Variants in MYH14 observed in about 807,000 individuals in gnomAD.
The protein encoded by MYH14 is myosin heavy chain 14, also known as myosin-14.
Under a neutral mutation model 255.5 loss-of-function variants are expected in MYH14, and 123 were observed. The ratio of observed to expected loss-of-function variants is 0.48; its 90% confidence interval spans 0.42 to 0.56. The LOEUF is 0.56. MYH14 is among the 20% of genes least tolerant of loss of function. MYH14 has a pLI of 0.00. For missense variants in MYH14, 2,423 were observed against 2,802.3 expected (o/e 0.86, Z 3.06); for synonymous variants, 1,095 against 1,161.2 (o/e 0.94, Z 1.16).
chr19:50,209,401 A>T (rs1280260710), intron 1 of MYH14, among the ~76,000 whole-genome samples: 1 of 152,052 alleles, frequency 6.6e-6, no homozygotes, highest in Non-Finnish European at 1.5e-5. Context: ...CAATCCCAGC[A>T]CTTTGGGAGG....
In MYH14 at chr19:50,217,604, A is replaced by G; in HGVS notation, c.406-11A>G. On this transcript the variant is annotated splice_polypyrimidine_tract_variant and intron_variant, in intron 2 of 42. Transcript: ENST00000642316. ...GCCATCTGAGACCCTCTCCCCTCTC[A>G]CCCACTGCAGACGTACTCCGGCCTT... The G allele has an allele frequency of 6.2e-7, 1 of 1,613,882 alleles. No homozygotes were observed. The highest frequency in any genetic ancestry group is 2.2e-5 in the East Asian group (1 of 44,882).
Position 50,297,053 on chromosome 19 carries a change from T to C in MYH14, c.5469+3366T>C, listed in dbSNP as rs2036292406. ...CAGACTGGAGTGCCGTGGTGTGATC[T>C]TGGCTCACTGCAACCTCTGCCTCCC... On this transcript the variant is annotated intron_variant, in intron 39 of 42. Transcript: ENST00000642316. Among the ~76,000 whole-genome samples, 3 of 151,746 alleles carry C rather than the reference T, an allele frequency of 2.0e-5. No individual in the cohort carries two copies. The South Asian group carries it at 6.3e-4, about 32-fold the overall frequency.
chr19:50,299,199 C>T lies in MYH14; in HGVS notation c.5470-2462C>T, dbSNP rs28853404. Among the ~76,000 whole-genome samples, 6 of 152,248 alleles carry T rather than the reference C, an allele frequency of 3.9e-5. 1 individual carries two copies. The highest frequency in any genetic ancestry group is 3.9e-4 in the East Asian group (2 of 5,192). On this transcript the variant is annotated intron_variant, in intron 39 of 42. Transcript: ENST00000642316. ...GAGACAAATAAATGCTGAATTAGAC[C>T]GTAAGTGTGTGATCAGAAAAATCCA...
At chr19:50,264,034 C>T (rs1363168292) in intron 22 of MYH14, among the ~76,000 whole-genome samples, 1 of 75,020 alleles carries the variant, frequency 1.3e-5, no homozygotes, top group East Asian at 3.6e-4. Context: ...GTAGCCTGGG[C>T]AATACAGCAA....
intron 36 of MYH14, among the ~76,000 whole-genome samples, chr19:50,291,797 A>G (rs1333706645): frequency 6.6e-6 from 1 of 152,086 alleles, no homozygotes; most frequent in Non-Finnish European, 1.5e-5. Flanking sequence ...TCCGGGAGGC[A>G]GTGGTTGCAG....
chr19:50,217,260 C>G (rs2032531407), intron 2 of MYH14, among the ~76,000 whole-genome samples: 1 of 152,164 alleles, frequency 6.6e-6, no homozygotes, highest in Admixed American at 6.5e-5. Context: ...CAGGTCGTTT[C>G]TAGTCTTTTG....
At position 50,292,289 on chromosome 19, in the gene MYH14, TGGAGGAGACACGCACCTCCCG is replaced by T. The variant is rs761665508; in HGVS notation, c.5165_5185del (p.Thr1722_Glu1728del). 1 of 1,586,750 alleles carries T rather than the reference TGGAGGAGACACGCACCTCCCG, an allele frequency of 6.3e-7. No individual in the cohort carries two copies. On this transcript the variant is annotated inframe_deletion, in exon 37 of 43. Coordinates refer to ENST00000642316, the MANE Select transcript of MYH14 (RefSeq NM_001145809.2). The stretch of plus-strand genomic sequence containing the variant: ...CAGATGAAGGAGCTATGGCGGGAGG[TGGAGGAGACACGCACCTCCCG>T]GGAGGAGATCTTCTCCCAGAATCGG...
chr19:50,231,281 C>G (rs1355263712), intron 9 of MYH14, among the ~76,000 whole-genome samples: 1 of 152,286 alleles, frequency 6.6e-6, no homozygotes, highest in Non-Finnish European at 1.5e-5. Flanking sequence ...GACCGCATGT[C>G]CTTGGGCGCC....
Position 50,293,721 on chromosome 19 carries a change from T to C in MYH14, c.5469+34T>C. On this transcript the variant is annotated intron_variant, in intron 39 of 42. Transcript: ENST00000642316. This position sits in a 1 kb window ranked among gnomAD's most constrained non-coding sequence, Gnocchi z 4.1. ...GATTGACCGCCCCCACCAGCCTCAGTCCCCATTGACCTGGGACCGTAACCT... is the reference window on the plus strand; with the variant it reads ...GATTGACCGCCCCCACCAGCCTCAGCCCCCATTGACCTGGGACCGTAACCT... 6.5e-7 allele frequency: 1 copy of C among 1,529,774 alleles called. No homozygotes were observed. The allele number at this position is 1,529,774 out of a possible 1,614,324, so 94.8% of individuals were successfully genotyped here. A position where few individuals can be genotyped will look rare whatever the true frequency, so the allele number is the denominator to read the frequency against.
At chr19:50,247,916 C>T (rs574776281) in intron 12 of MYH14, among the ~76,000 whole-genome samples, 3 of 151,938 alleles carry the variant, frequency 2.0e-5, no homozygotes, top group African/African-American at 7.3e-5. Flanking sequence ...CAAAAATTAG[C>T]TGGGTATGTG....
At chr19:50,306,583 C>T (rs2123490950) in intron 40 of MYH14, among the ~76,000 whole-genome samples, 1 of 152,236 alleles carries the variant, frequency 6.6e-6, no homozygotes, top group South Asian at 2.1e-4. Context: ...TATTAATGTG[C>T]ATGAACACAG....
rs149039486 is a variant in MYH14 at position 50,260,748 on chromosome 19, C to CGT, written c.2424+45_2424+46dup. 317,970 of 1,316,900 alleles carry CGT rather than the reference C, an allele frequency of 0.24. 34,587 individuals carry two copies. Among genetic ancestry groups the CGT allele is most frequent in the East Asian group, 0.46 (18,076 of 39,652 alleles). 81.6% of individuals were successfully genotyped at this position (1,316,900 alleles called of 1,614,324 possible). A position where few individuals can be genotyped will look rare whatever the true frequency, so the allele number is the denominator to read the frequency against. On this transcript the variant is annotated intron_variant, in intron 20 of 42. Coordinates refer to ENST00000642316, the MANE Select transcript of MYH14 (RefSeq NM_001145809.2). ...GGGCAGAGCCTGGAATGCGTGTGTG[C>CGT]GTGTGTGTGTGTGCGTGCATGAGTG...
In MYH14 at chr19:50,280,384, G is replaced by A. The variant is rs1274485563; in HGVS notation, c.4290+1G>A. The A allele has an allele frequency of 6.5e-7, 1 of 1,535,308 alleles. No homozygotes were observed. The highest frequency in any genetic ancestry group is 8.8e-7 in the Non-Finnish European group (1 of 1,137,346). On this transcript the variant is annotated splice_donor_variant, in intron 32 of 42. Transcript: ENST00000642316. LOFTEE classifies it high-confidence loss of function. This position sits in a 1 kb window ranked among gnomAD's most constrained non-coding sequence, Gnocchi z 4.8. ...TGAACTGCAGACTGCCCAGGCCCAGGTGAGCAGCCCTACGTAAGACCTTCA... is the reference window on the plus strand; with the variant it reads ...TGAACTGCAGACTGCCCAGGCCCAGATGAGCAGCCCTACGTAAGACCTTCA...
intron 8 of MYH14, among the ~76,000 whole-genome samples, chr19:50,228,969 C>T (rs2033245708): frequency 6.6e-6 from 1 of 152,214 alleles, no homozygotes; most frequent in African/African-American, 2.4e-5. Flanking sequence ...TCGTGACCAG[C>T]TTTTCTGGAG....
chr19:50,293,577 G>A lies in MYH14; in HGVS notation c.5359G>A (p.Glu1787Lys). Residue 1787 changes from glutamate (E) to lysine (K), a missense_variant, in exon 39 of 43, where the codon GAG becomes AAG. By Grantham distance (56) the Glu-to-Lys change is moderately conservative (BLOSUM62 1). This residue lies in a region of MYH14 where 1,513 missense variants were observed against 1,674.8 expected (regional missense o/e 0.90). Transcript: ENST00000642316. This position sits in a 1 kb window ranked among gnomAD's most constrained non-coding sequence, Gnocchi z 4.1. ...CTGTCTCCCTAGGGCAGCCATTCTG[G>A]AGGAGAAGCGTCAGCTGGAGGGGCG... Reference protein sequence around the residue: ...NGNLSKAAILEEKRQLEGRLG... With the variant: ...NGNLSKAAILKEKRQLEGRLG... 1 of 1,613,176 alleles carries A rather than the reference G, an allele frequency of 6.2e-7. No individual in the cohort carries two copies. Among genetic ancestry groups the A allele is most frequent in the Non-Finnish European group, 8.5e-7 (1 of 1,179,572 alleles).
At chr19:50,249,239 C>G in intron 13 of MYH14, 100 bp downstream of exon 13, 1 of 1,332,902 alleles carries the variant, frequency 7.5e-7, no homozygotes, top group South Asian at 1.5e-5. Flanking sequence ...TCTCTGTCCC[C>G]CTCTCTCTCT....
chr19:50,276,842 A>G lies in MYH14; in HGVS notation c.3766A>G (p.Arg1256Gly). 1 of 1,598,552 alleles carries G rather than the reference A, an allele frequency of 6.3e-7. No individual in the cohort carries two copies. The highest frequency in any genetic ancestry group is 1.1e-5 in the South Asian group (1 of 90,662). The change falls in exon 29 of 43, where the codon AGG becomes GGG. Residue 1256 changes from arginine to glycine, a missense_variant. This residue lies in a region of MYH14 where 1,513 missense variants were observed against 1,674.8 expected (regional missense o/e 0.90). Transcript: ENST00000642316. The surrounding 1 kb of genome is among the most constrained non-coding windows in gnomAD (Gnocchi z 4.3). Reference protein sequence around the residue: ...RIHEAAVQELRQRHGQALGEL... With the variant: ...RIHEAAVQELGQRHGQALGEL... Reference sequence around the variant, plus strand: ...CCACGAGGCGGCAGTGCAGGAGCTGAGGCAGCGCCACGGCCAGGCCCTGGG... The same window carrying G: ...CCACGAGGCGGCAGTGCAGGAGCTGGGGCAGCGCCACGGCCAGGCCCTGGG...
intron 10 of MYH14, among the ~76,000 whole-genome samples, chr19:50,243,922 G>A (rs868415193): frequency 5.9e-5 from 9 of 151,928 alleles, no homozygotes; most frequent in South Asian, 2.1e-4. Flanking sequence ...AAACTCAACC[G>A]GAATTCACCG....
intron 10 of MYH14, among the ~76,000 whole-genome samples, chr19:50,236,375 T>C (rs1361870304): frequency 6.6e-6 from 1 of 151,510 alleles, no homozygotes; most frequent in Admixed American, 6.6e-5. Flanking sequence ...AAACAGGTTC[T>C]TGTGCTCTTG....
Sources: allele counts gnomAD v4.1 joint callset (sites outside exome capture counted in the v4.1 genomes callset), GRCh38; gene constraint gnomAD v4.1.1; regional missense constraint gnomAD v4.1.1; non-coding constraint Gnocchi (gnomAD v3.1); transcripts MANE v1.5; gene names NCBI Gene and HGNC (gene_info 2026-07-23, HGNC 2026-07-21).